LARS2: variants seen among roughly 807,000 people sequenced by gnomAD.
The protein encoded by LARS2 is leucine--tRNA ligase, mitochondrial.
Under a neutral mutation model 116.6 loss-of-function variants are expected in LARS2, and 81 were observed. The ratio of observed to expected loss-of-function variants is 0.69; its 90% CI spans 0.58 to 0.84. The LOEUF (loss-of-function observed/expected upper bound fraction) is 0.84. Among genes scored for constraint, LARS2 ranks in the 40% least tolerant of loss-of-function variants. LARS2 has a pLI of 0.00. For synonymous variants in LARS2, 396 were observed against 407.2 expected (o/e 0.97, Z 0.33); for missense variants, 968 against 1,114.5 (o/e 0.87, Z 1.87).
At chr3:45,482,349 G>T (rs1466943589) in intron 10 of LARS2, among the ~76,000 whole-genome samples, 1 of 152,236 alleles carries the variant, frequency 6.6e-6, no homozygotes, top group East Asian at 1.9e-4. Flanking sequence ...TTGCTTCATA[G>T]AATTTTCCTT....
At chr3:45,512,066 C>T (rs1335720309) in intron 15 of LARS2, among the ~76,000 whole-genome samples, 1 of 152,116 alleles carries the variant, frequency 6.6e-6, no homozygotes, top group Non-Finnish European at 1.5e-5. Flanking sequence ...TGAGCCACCG[C>T]GCCTGGCCAA....
At position 45,436,576 on chromosome 3, in the gene LARS2, T is replaced by C. The variant is rs1176404360; in HGVS notation, c.517-10315T>C. ...TTGGGAGGCCGAGGCGGGTGGATCA[T>C]GAGGTCAGGAGATCGAGACCATCCT... On this transcript the variant is annotated intron_variant, in intron 6 of 21. Transcript: ENST00000645846. Among the ~76,000 whole-genome samples, 14 of 151,346 alleles carry C rather than the reference T, an allele frequency of 9.3e-5. No homozygotes were observed. In the East Asian group the frequency reaches 2.7e-3, roughly 30 times the overall value.
chr3:45,413,673 A>G (rs1698370958), intron 4 of LARS2, among the ~76,000 whole-genome samples: 1 of 152,228 alleles, frequency 6.6e-6, no homozygotes, highest in South Asian at 2.1e-4. Context: ...AGTTCTTTAG[A>G]TGGAATTGTT....
At chr3:45,518,808 A>G (rs1700409845) in intron 18 of LARS2, among the ~76,000 whole-genome samples, 2 of 152,128 alleles carry the variant, frequency 1.3e-5, no homozygotes, top group South Asian at 4.1e-4. Flanking sequence ...AATGAACACA[A>G]TGATGCATGG....
At chr3:45,402,256 A>G (rs1370524130) in intron 4 of LARS2, among the ~76,000 whole-genome samples, 3 of 152,226 alleles carry the variant, frequency 2.0e-5, no homozygotes, top group Non-Finnish European at 2.9e-5. Context: ...TATGTAACCA[A>G]TAAGTATTAG....
At chr3:45,533,773 A>G (rs1001178284) in intron 20 of LARS2, among the ~76,000 whole-genome samples, 6 of 152,146 alleles carry the variant, frequency 3.9e-5, no homozygotes, top group South Asian at 2.1e-4. Flanking sequence ...GTTTGCCTCT[A>G]TCAGTCTGTC....
intron 6 of LARS2, among the ~76,000 whole-genome samples, chr3:45,436,772 G>C (rs186149339): frequency 7.1e-6 from 1 of 141,578 alleles, no homozygotes; most frequent in Non-Finnish European, 1.5e-5. Flanking sequence ...CCGCAGTCCG[G>C]CCTGGGCGAC....
chr3:45,472,844 T>G (rs562438334), intron 8 of LARS2, among the ~76,000 whole-genome samples: 4 of 152,326 alleles, frequency 2.6e-5, no homozygotes, highest in African/African-American at 9.6e-5. Context: ...GTATTACTAC[T>G]TGACTTGTGC....
chr3:45,393,248 T>C (rs761102406), intron 2 of LARS2, among the ~76,000 whole-genome samples: 84 of 120,774 alleles, frequency 7.0e-4, no homozygotes, highest in Non-Finnish European at 1.3e-3. Context: ...GTTTCTTATC[T>C]GCTTCCCTGC....
Position 45,523,994 on chromosome 3 carries a change from T to C in LARS2, c.2293-3T>C, listed in dbSNP as rs1390394119. Reference sequence around the variant, plus strand: ...CTTCTTACTTTTTTTTCCTCTTCCTTAGCAAGCCTCTCAGAGCGTCATTCT... The same window carrying C: ...CTTCTTACTTTTTTTTCCTCTTCCTCAGCAAGCCTCTCAGAGCGTCATTCT... On this transcript the variant is annotated splice_polypyrimidine_tract_variant and splice_region_variant and intron_variant, in intron 19 of 21. Coordinates refer to ENST00000645846, the MANE Select transcript of LARS2 (RefSeq NM_015340.4). 1.2e-6 allele frequency: 2 copies of C among 1,611,978 alleles called. No homozygotes were observed. The highest frequency in any genetic ancestry group is 2.2e-5 in the East Asian group (1 of 44,858).
intron 5 of LARS2, among the ~76,000 whole-genome samples, 194 bp from the exon 6 acceptor site, chr3:45,419,475 A>T (rs1365994054): frequency 1.3e-5 from 2 of 152,204 alleles, no homozygotes; most frequent in African/African-American, 4.8e-5. Flanking sequence ...ATGTCCAAAT[A>T]ATGGGTGTCT....
chr3:45,537,862 C>T (rs542758669), intron 20 of LARS2, among the ~76,000 whole-genome samples: 14 of 152,032 alleles, frequency 9.2e-5, no homozygotes, highest in Non-Finnish European at 1.0e-4. Flanking sequence ...AGGCTTGTTT[C>T]GGTTATTCTG....
intron 10 of LARS2, among the ~76,000 whole-genome samples, chr3:45,480,921 T>A (rs1699688211): frequency 6.6e-6 from 1 of 152,234 alleles, no homozygotes; most frequent in Admixed American, 6.5e-5. Flanking sequence ...AAGAACCTAC[T>A]TAATATATAC....
chr3:45,449,248 C>T (rs548594778), intron 7 of LARS2, among the ~76,000 whole-genome samples: 30 of 150,636 alleles, frequency 2.0e-4, no homozygotes, highest in African/African-American at 6.3e-4. Context: ...CTGCAACCTC[C>T]GCCTCCCGGG....
intron 3 of LARS2, among the ~76,000 whole-genome samples, chr3:45,396,996 G>A (rs1164401204): frequency 1.3e-5 from 2 of 152,188 alleles, no homozygotes; most frequent in Admixed American, 1.3e-4. Context: ...TCCTATTGAG[G>A]TGCTCCTTTT....
chr3:45,419,757 C>G, intron 6 of LARS2, 28 bp downstream of exon 6: 8 of 1,589,066 alleles, frequency 5.0e-6, no homozygotes, highest in Non-Finnish European at 6.9e-6. Flanking sequence ...CCTGAAAGGT[C>G]GTCATTTTAA....
chr3:45,496,483 G>A, intron 14 of LARS2, 110 bp downstream of exon 14: 2 of 815,860 alleles, frequency 2.5e-6, no homozygotes, highest in Non-Finnish European at 4.2e-6. Flanking sequence ...GGAAATGCCT[G>A]TGCAGATTAA....
At chr3:45,531,185 A>G (rs1700608981) in intron 20 of LARS2, among the ~76,000 whole-genome samples, 1 of 152,220 alleles carries the variant, frequency 6.6e-6, no homozygotes, top group Non-Finnish European at 1.5e-5. Flanking sequence ...AATGTTGTCA[A>G]ATAAAGGTTA....
chr3:45,464,334 C>A (rs543284367), intron 8 of LARS2, among the ~76,000 whole-genome samples: 1 of 152,108 alleles, frequency 6.6e-6, no homozygotes, highest in Non-Finnish European at 1.5e-5. Flanking sequence ...CTCCAAGAGT[C>A]ATCTGGACTC....
Sources: gnomAD v4.1 joint callset for allele counts (sites outside exome capture counted in the v4.1 genomes callset) on GRCh38, gnomAD v4.1.1 for gene constraint, MANE v1.5 for transcripts, NCBI Gene and HGNC (gene_info 2026-07-23, HGNC 2026-07-21) for gene names.